Variants in NXPH1 observed in about 807,000 individuals in gnomAD.
The protein encoded by NXPH1 is neurexophilin-1.
Under a neutral mutation model 23.7 loss-of-function variants are expected in NXPH1, and 5 were observed. That is an observed-to-expected ratio of 0.21 (90% CI 0.11 to 0.44). The LOEUF is 0.44. Among genes scored for constraint, NXPH1 ranks in the 20% least tolerant of loss-of-function variants. NXPH1 has a pLI of 0.99. For synonymous variants in NXPH1, 144 were observed against 122.2 expected (o/e 1.18, Z -1.18); for missense variants, 324 against 321.6 (o/e 1.01, Z -0.06).
At chr7:8,588,759 C>T (rs1562414092) in intron 2 of NXPH1, among the ~76,000 whole-genome samples, 1 of 152,070 alleles carries the variant, frequency 6.6e-6, no homozygotes, top group Non-Finnish European at 1.5e-5. Flanking sequence ...GCTGAGCAGC[C>T]ACCCTCCTCT....
intron 2 of NXPH1, among the ~76,000 whole-genome samples, chr7:8,708,289 G>A (rs1779734340): frequency 6.6e-6 from 1 of 152,052 alleles, no homozygotes; most frequent in African/African-American, 2.4e-5. Flanking sequence ...TCTAAATTTT[G>A]TCATTCGGTC....
At chr7:8,441,215 G>T (rs751112852) in intron 2 of NXPH1, among the ~76,000 whole-genome samples, 1 of 152,074 alleles carries the variant, frequency 6.6e-6, no homozygotes, top group Non-Finnish European at 1.5e-5. Flanking sequence ...GCGGCTTCAT[G>T]GTGCAGCCGA....
At chr7:8,703,591 A>C (rs1205095367) in intron 2 of NXPH1, among the ~76,000 whole-genome samples, 2 of 152,084 alleles carry the variant, frequency 1.3e-5, no homozygotes, top group African/African-American at 2.4e-5. Flanking sequence ...GCTCAATTAA[A>C]TTATTATCTA....
chr7:8,708,268 T>C (rs141335245), intron 2 of NXPH1, among the ~76,000 whole-genome samples: 3 of 152,362 alleles, frequency 2.0e-5, no homozygotes, highest in African/African-American at 7.2e-5. Context: ...CCCCTTTGCT[T>C]ATCTAGGTGT....
intron 2 of NXPH1, among the ~76,000 whole-genome samples, chr7:8,586,979 A>G (rs1434643836): frequency 6.6e-6 from 1 of 152,180 alleles, no homozygotes; most frequent in African/African-American, 2.4e-5. Flanking sequence ...AGATGGATAC[A>G]TAGATAATTA....
At chr7:8,559,119 G>A (rs969550087) in intron 2 of NXPH1, among the ~76,000 whole-genome samples, 3 of 151,380 alleles carry the variant, frequency 2.0e-5, no homozygotes, top group South Asian at 4.2e-4. Flanking sequence ...TACCATGCAT[G>A]GCTGATTTTT....
chr7:8,571,894 A>C (rs577258412), intron 2 of NXPH1, among the ~76,000 whole-genome samples: 7 of 151,966 alleles, frequency 4.6e-5, no homozygotes, highest in African/African-American at 7.2e-5. Flanking sequence ...AAAAAAAAAA[A>C]AACACTTGGT....
rs113473603 is a variant in NXPH1 at position 8,621,490 on chromosome 7, C to CTTTTTTTTTTTTTTTTTTTTT, written c.55-129504_55-129503insTTTTTTTTTTTTTTTTTTTTT. Among the ~76,000 whole-genome samples, 196 of 140,108 alleles carry CTTTTTTTTTTTTTTTTTTTTT rather than the reference C, an allele frequency of 1.4e-3. 8 individuals are homozygous for CTTTTTTTTTTTTTTTTTTTTT. In the East Asian group the frequency reaches 0.015, roughly 11 times the overall value. The allele number at this position is 140,108 out of a possible 152,430, so 91.9% of individuals were successfully genotyped here. ...GAGAAACAATAACATGCTAGCCACT[C>CTTTTTTTTTTTTTTTTTTTTT]TTTTTTTTTTTTTTGAGGTGAAGTT... On this transcript the variant is annotated intron_variant, in intron 2 of 2. Coordinates refer to ENST00000405863, the MANE Select transcript of NXPH1 (RefSeq NM_152745.3).
intron 2 of NXPH1, among the ~76,000 whole-genome samples, chr7:8,526,708 C>T (rs866506962): frequency 6.6e-6 from 1 of 152,174 alleles, no homozygotes; most frequent in Non-Finnish European, 1.5e-5. Flanking sequence ...GCTTCTTCCT[C>T]ATTTTTCTCT....
Position 8,435,798 on chromosome 7 carries a change from T to G in NXPH1, c.54+31T>G. The G allele has an allele frequency of 1.2e-6, 2 of 1,609,696 alleles. No individual in the cohort carries two copies. The highest frequency in any genetic ancestry group is 1.7e-6 in the Non-Finnish European group (2 of 1,176,216). ...TCTTGGAAGGTTCGGGGCTTTCGCATTTTTACCCCGGCCGGGAGGCAAGGA... is the reference window on the plus strand; with the variant it reads ...TCTTGGAAGGTTCGGGGCTTTCGCAGTTTTACCCCGGCCGGGAGGCAAGGA... On this transcript the variant is annotated intron_variant, in intron 2 of 2. Transcript: ENST00000405863. The surrounding 1 kb of genome is among the most constrained non-coding windows in gnomAD (Gnocchi z 5.9).
intron 2 of NXPH1, among the ~76,000 whole-genome samples, chr7:8,606,325 C>T (rs765922716): frequency 1.4e-4 from 22 of 152,210 alleles, no homozygotes; most frequent in African/African-American, 3.4e-4. Flanking sequence ...CCCCACCCTA[C>T]GTAACCCCTA....
intron 2 of NXPH1, among the ~76,000 whole-genome samples, chr7:8,494,786 CA>C (rs1375903163): frequency 6.6e-6 from 1 of 152,010 alleles, no homozygotes; most frequent in African/African-American, 2.4e-5. Context: ...TCTGCATATG[CA>C]TATAGAATAC....
intron 2 of NXPH1, among the ~76,000 whole-genome samples, chr7:8,619,634 A>T (rs1024385286): frequency 5.9e-5 from 9 of 152,218 alleles, no homozygotes; most frequent in African/African-American, 2.2e-4. Context: ...GCAAAATAAT[A>T]GTTATAAATT....
chr7:8,733,622 C>G (rs919481771), intron 2 of NXPH1, among the ~76,000 whole-genome samples: 5 of 152,176 alleles, frequency 3.3e-5, no homozygotes, highest in African/African-American at 1.2e-4. Context: ...TTGCATTTCT[C>G]TAATGACCAG....
At chr7:8,524,069 C>A (rs138194740) in intron 2 of NXPH1, among the ~76,000 whole-genome samples, 1 of 151,880 alleles carries the variant, frequency 6.6e-6, no homozygotes, top group East Asian at 1.9e-4. Context: ...ATGGTGAAAC[C>A]CCTTCTCTAC....
chr7:8,663,078 T>A (rs1388820499), intron 2 of NXPH1, among the ~76,000 whole-genome samples: 1 of 152,066 alleles, frequency 6.6e-6, no homozygotes, highest in Non-Finnish European at 1.5e-5. Context: ...TACAGAGGAT[T>A]GATGACAAAG....
At chr7:8,716,014 C>T (rs1779873144) in intron 2 of NXPH1, among the ~76,000 whole-genome samples, 1 of 151,806 alleles carries the variant, frequency 6.6e-6, no homozygotes, top group Admixed American at 6.6e-5. Flanking sequence ...TGTATATTTA[C>T]AATGGTGGGT....
chr7:8,680,441 G>C (rs772634736), intron 2 of NXPH1, among the ~76,000 whole-genome samples: 1 of 152,168 alleles, frequency 6.6e-6, no homozygotes, highest in South Asian at 2.1e-4. Flanking sequence ...TAAGATTGTA[G>C]ATTGCATTGA....
At chr7:8,496,687 G>T (rs1161351825) in intron 2 of NXPH1, among the ~76,000 whole-genome samples, 1 of 152,076 alleles carries the variant, frequency 6.6e-6, no homozygotes, top group African/African-American at 2.4e-5. Flanking sequence ...AGGGAGCTCA[G>T]CAATTGCAAG....
Sources: allele counts gnomAD v4.1 joint callset (sites outside exome capture counted in the v4.1 genomes callset), GRCh38; gene constraint gnomAD v4.1.1; non-coding constraint Gnocchi (gnomAD v3.1); transcripts MANE v1.5; gene names NCBI Gene and HGNC (gene_info 2026-07-23, HGNC 2026-07-21).